Variants in NF1 observed in about 807,000 individuals in gnomAD.
NF1 encodes the protein neurofibromin.
Under a neutral mutation model 325.7 loss-of-function variants are expected in NF1, and 122 were observed. That is an observed-to-expected ratio of 0.37 (90% CI 0.32 to 0.44). The LOEUF (loss-of-function observed/expected upper bound fraction) is 0.44, where lower values mean the gene tolerates loss of function less well. NF1 is among the 20% of genes least tolerant of loss of function. The pLI, the probability that NF1 is intolerant of heterozygous loss-of-function variation, is 1.00. For synonymous variants in NF1, 1,091 were observed against 1,186.0 expected (o/e 0.92, Z 1.65); for missense variants, 2,140 against 3,415.4 (o/e 0.63, Z 9.31).
chr17:31,250,595 C>CA (rs1358011854), intron 30 of NF1: 4 of 196,550 alleles, frequency 2.0e-5, no homozygotes, highest in African/African-American at 9.2e-5. Flanking sequence ...CTTTTTGTAT[C>CA]ATGAGCAAAG....
chr17:31,145,093 C>A (rs890651482), intron 1 of NF1, among the ~76,000 whole-genome samples: 2 of 152,208 alleles, frequency 1.3e-5, no homozygotes, highest in African/African-American at 2.4e-5. Context: ...GGCCCTCTTG[C>A]TAGGCTTTGA....
intron 36 of NF1, among the ~76,000 whole-genome samples, chr17:31,281,642 C>A (rs989205170): frequency 6.6e-6 from 1 of 152,070 alleles, no homozygotes; most frequent in African/African-American, 2.4e-5. Context: ...GGTTTGAATG[C>A]CCTTCCTTTA....
At chr17:31,158,237 A>G (rs1567815650) in intron 2 of NF1, among the ~76,000 whole-genome samples, 1 of 152,222 alleles carries the variant, frequency 6.6e-6, no homozygotes, top group Non-Finnish European at 1.5e-5. Context: ...TGCTTACACA[A>G]TACCCTAAAC....
At position 31,324,028 on chromosome 17, in the gene NF1, T is replaced by C. The variant is rs547848423; in HGVS notation, c.4836-1792T>C. On this transcript the variant is annotated intron_variant, in intron 36 of 57. Coordinates refer to ENST00000358273, the MANE Select transcript of NF1 (RefSeq NM_001042492.3). ...GGTGAAGTTTTTTATTGATACATGA[T>C]AATTTGTACATATTAATGGAGTATG... is the stretch of plus-strand genomic sequence containing the variant. 1.2e-3 allele frequency among the ~76,000 whole-genome samples: 189 copies of C among 152,346 alleles called. 2 individuals carry two copies. The South Asian group carries it at 0.036, about 29-fold the overall frequency.
intron 8 of NF1, among the ~76,000 whole-genome samples, chr17:31,192,553 C>CAG (rs2066364599): frequency 6.6e-6 from 1 of 151,992 alleles, no homozygotes; most frequent in Non-Finnish European, 1.5e-5. Context: ...CAGCAGACTT[C>CAG]AGAGAGAGAG....
At position 31,296,074 on chromosome 17, in the gene NF1, T is replaced by C. The variant is rs1465765045; in HGVS notation, c.4836-29746T>C. The C allele has an allele frequency of 4.3e-6, 7 of 1,613,836 alleles. No individual in the cohort carries two copies. In the East Asian group the frequency reaches 6.7e-5, roughly 15 times the overall value. ...CAGGCAGGCTTTCAAGCCTGTTGTT[T>C]GAAATGTCCAGGGTCCTCAGATTGG... On this transcript the variant is annotated intron_variant, in intron 36 of 57. Transcript: ENST00000358273.
intron 36 of NF1, among the ~76,000 whole-genome samples, chr17:31,322,206 C>T (rs72815631): frequency 3.3e-5 from 5 of 151,972 alleles, no homozygotes; most frequent in South Asian, 2.1e-4. Flanking sequence ...GGGCTGAACA[C>T]GGTGGCTCAC....
At chr17:31,332,350 G>A (rs1442300300) in intron 39 of NF1, among the ~76,000 whole-genome samples, 1 of 151,814 alleles carries the variant, frequency 6.6e-6, no homozygotes, top group East Asian at 1.9e-4. Flanking sequence ...TGTAGTCCCA[G>A]CTACTCAGGA....
chr17:31,126,355 G>T (rs1162669658), intron 1 of NF1, among the ~76,000 whole-genome samples: 3 of 152,092 alleles, frequency 2.0e-5, no homozygotes. Flanking sequence ...CTTATTCTGT[G>T]AAGTGTCTGT....
intron 1 of NF1, among the ~76,000 whole-genome samples, chr17:31,114,527 G>A (rs1913723618): frequency 6.7e-6 from 1 of 149,758 alleles, no homozygotes. Context: ...GACAGAGTGA[G>A]ACTGTCTCAC....
chr17:31,319,084 A>C lies in NF1; in HGVS notation c.4836-6736A>C, dbSNP rs538976923. 2.1e-5 allele frequency: 32 copies of C among 1,493,528 alleles called. No homozygotes were observed. In the East Asian group the frequency reaches 2.3e-4, roughly 11 times the overall value. 92.5% of individuals were successfully genotyped at this position (1,493,528 alleles called of 1,614,324 possible). On this transcript the variant is annotated intron_variant, in intron 36 of 57. Coordinates refer to ENST00000358273, the MANE Select transcript of NF1 (RefSeq NM_001042492.3). ...AAGAATAATGGATCCTAGTTTTGGT[A>C]ATTGTAGTTAAAAGATAGTGTTGAG...
At chr17:31,315,416 TTGTAA>T (rs1481813810) in intron 36 of NF1, among the ~76,000 whole-genome samples, 1 of 152,180 alleles carries the variant, frequency 6.6e-6, no homozygotes, top group Non-Finnish European at 1.5e-5. Context: ...ATTGGATCCT[TTGTAA>T]CACAAAGGAT....
intron 36 of NF1, among the ~76,000 whole-genome samples, chr17:31,307,551 T>C (rs1193124754): frequency 6.6e-6 from 1 of 152,192 alleles, no homozygotes; most frequent in African/African-American, 2.4e-5. Flanking sequence ...ATGCTAAAAC[T>C]TGGAGAGTTA....
chr17:31,258,247 CAG>C lies in NF1; in HGVS notation c.4174-94_4174-93del, dbSNP rs2067617834. On this transcript the variant is annotated intron_variant, in intron 31 of 57. Transcript: ENST00000358273. The stretch of plus-strand genomic sequence containing the variant: ...TGTCATTCATGAGGACTGATTGATT[CAG>C]AGTTTTTATGCAAAGTTTGACCTTT... 6 of 1,311,172 alleles carry C rather than the reference CAG, an allele frequency of 4.6e-6. No individual in the cohort carries two copies. In the Admixed American group the frequency reaches 8.4e-5, roughly 18 times the overall value. 81.2% of individuals were successfully genotyped at this position (1,311,172 alleles called of 1,614,324 possible). A position where few individuals can be genotyped will look rare whatever the true frequency, so the allele number is the denominator to read the frequency against.
chr17:31,341,591 TAA>T (rs1567619618), intron 47 of NF1, among the ~76,000 whole-genome samples: 10 of 54,714 alleles, frequency 1.8e-4, no homozygotes, highest in South Asian at 1.1e-3. Flanking sequence ...TATATATATA[TAA>T]AGTGTGTGTG....
chr17:31,301,925 C>G (rs2064268425), intron 36 of NF1, among the ~76,000 whole-genome samples: 2 of 152,216 alleles, frequency 1.3e-5, no homozygotes, highest in Admixed American at 6.5e-5. Context: ...TAAACTTTCT[C>G]TTCTGGATCT....
chr17:31,189,962 T>C (rs1383757146), intron 8 of NF1, among the ~76,000 whole-genome samples: 5 of 151,818 alleles, frequency 3.3e-5, no homozygotes, highest in African/African-American at 1.2e-4. Flanking sequence ...AGTTTCTCCA[T>C]GCTGGTCAGG....
At chr17:31,143,137 G>A (rs1942036617) in intron 1 of NF1, among the ~76,000 whole-genome samples, 1 of 151,820 alleles carries the variant, frequency 6.6e-6, no homozygotes, top group South Asian at 2.1e-4. Flanking sequence ...TTTATTATAG[G>A]TGCTGTATGT....
intron 54 of NF1, chr17:31,357,799 A>G (rs1161655269): frequency 5.1e-6 from 1 of 197,068 alleles, no homozygotes; most frequent in East Asian, 1.4e-4. Context: ...ATTAACCTCA[A>G]AGTGTTCAAA....
Sources: allele counts gnomAD v4.1 joint callset (sites outside exome capture counted in the v4.1 genomes callset), GRCh38; gene constraint gnomAD v4.1.1; transcripts MANE v1.5; gene names NCBI Gene and HGNC (gene_info 2026-07-23, HGNC 2026-07-21).